Variants in SOD2 observed in about 807,000 individuals in gnomAD.
The protein encoded by SOD2 is superoxide dismutase [Mn], mitochondrial.
In SOD2, 11 loss-of-function variants were observed where a neutral mutation model predicts 27.0. The observed-to-expected ratio is 0.41, with a 90% CI of 0.26 to 0.67. The LOEUF is 0.67. Ranked by LOEUF, SOD2 falls within the 30% of genes least tolerant of loss-of-function variation. The pLI is 0.34. For synonymous variants in SOD2, 105 were observed against 103.0 expected, an observed-to-expected ratio of 1.02 and a Z score of -0.12; for missense variants, 250 against 274.5, an observed-to-expected ratio of 0.91 and a Z score of 0.63.
At chr6:159,746,660 C>T (rs1779595034), upstream of SOD2, among the ~76,000 whole-genome samples, 1 of 152,154 alleles carries the variant, frequency 6.6e-6, no homozygotes, top group African/African-American at 2.4e-5. Context: ...ATACTGTATT[C>T]TTAACTATAT....
At chr6:159,707,069 A>G (rs150624969) in intron 1 of SOD2, among the ~76,000 whole-genome samples, 2,589 of 152,298 alleles carry the variant, frequency 0.017, 83 homozygotes, top group African/African-American at 0.058. Flanking sequence ...TTTGAAACCA[A>G]CGAGAACAAA....
At position 159,684,943 on chromosome 6, in the gene SOD2, G is replaced by A; in HGVS notation, c.434C>T (p.Ser145Leu). ...LTAASVGVQG[S>L]GWGWLGFNKE... ...ATTGAAACCAAGCCAACCCCAACCTGAGCCTTGGACACCAACAGATGCAGC... is the reference window on the plus strand; with the variant it reads ...ATTGAAACCAAGCCAACCCCAACCTAAGCCTTGGACACCAACAGATGCAGC... The change falls in exon 4 of 5, where the codon TCA (serine) becomes TTA (leucine). Residue 145 changes from serine to leucine, a missense_variant. Ser to Leu is a moderately radical substitution (Grantham distance 145). Coordinates refer to ENST00000538183, the MANE Select transcript of SOD2 (RefSeq NM_000636.4). 6.2e-7 allele frequency: 1 copy of A among 1,613,596 alleles called. No individual in the cohort carries two copies. Among genetic ancestry groups the A allele is most frequent in the Non-Finnish European group, 8.5e-7 (1 of 1,179,838 alleles).
chr6:159,719,975 C>T (rs1211843928), intron 1 of SOD2, among the ~76,000 whole-genome samples: 6 of 150,816 alleles, frequency 4.0e-5, no homozygotes, highest in East Asian at 2.0e-4. Context: ...CTGCCTGCCT[C>T]GGTCTCCCAA....
chr6:159,736,174 G>T, intron 1 of SOD2: 3 of 1,301,262 alleles, frequency 2.3e-6, no homozygotes, highest in South Asian at 2.7e-5. Flanking sequence ...CTAATAAATT[G>T]ATTTGAAAGA....
chr6:159,753,445 C>T, intron 1 of SOD2: 2 of 1,614,146 alleles, frequency 1.2e-6, no homozygotes, highest in East Asian at 2.2e-5. Context: ...TGATGGATGG[C>T]TCTTTCCTTT....
rs1055471201 is a variant in SOD2 at position 159,740,707 on chromosome 6, T to C, written c.-116+4423A>G. On this transcript the variant is annotated intron_variant, in intron 1 of 3. Transcript: ENST00000537657. ...AGGTTTTTTTTTTTTCTTTTTTCTT[T>C]CTTTTTTTTTTTTTTAAGACAGAGT... 6.1e-4 allele frequency among the ~76,000 whole-genome samples: 92 copies of C among 151,048 alleles called. 2 individuals carry two copies. Among genetic ancestry groups the C allele is most frequent in the Admixed American group, 9.2e-4 (14 of 15,194 alleles).
At chr6:159,743,887 T>C (rs1158320300) in intron 1 of SOD2, 7 of 1,307,466 alleles carry the variant, frequency 5.4e-6, no homozygotes, top group Non-Finnish European at 7.1e-6. Context: ...ATGCTAAATA[T>C]AAGAGCTTAT....
At chr6:159,706,091 C>T (rs1195509018) in intron 1 of SOD2, among the ~76,000 whole-genome samples, 9 of 152,186 alleles carry the variant, frequency 5.9e-5, no homozygotes. Flanking sequence ...ACCACCAGGC[C>T]TGCCCTACAA....
At chr6:159,726,899 C>T (rs1562445955) in intron 1 of SOD2, 2 of 1,289,124 alleles carry the variant, frequency 1.6e-6, no homozygotes, top group South Asian at 1.2e-5. Flanking sequence ...CCGCCCACGG[C>T]CTCTCTCTTG....
chr6:159,727,891 C>T (rs1305650276), upstream of SOD2, among the ~76,000 whole-genome samples: 1 of 152,224 alleles, frequency 6.6e-6, no homozygotes, highest in Non-Finnish European at 1.5e-5. Flanking sequence ...CGCTTCGAGG[C>T]CATTTTATCT....
intron 1 of SOD2, among the ~76,000 whole-genome samples, chr6:159,752,737 G>C (rs747307526): frequency 5.3e-5 from 8 of 152,100 alleles, no homozygotes; most frequent in Non-Finnish European, 1.0e-4. Context: ...GAAGATGGAT[G>C]TACCAGAAAA....
At chr6:159,694,312 G>A (rs868019157), upstream of SOD2, among the ~76,000 whole-genome samples, 1 of 152,214 alleles carries the variant, frequency 6.6e-6, no homozygotes, top group Non-Finnish European at 1.5e-5. Context: ...GCCATTGGCG[G>A]GAGTTGCCCC....
chr6:159,725,182 T>C (rs1778128030), intron 1 of SOD2, among the ~76,000 whole-genome samples: 2 of 152,096 alleles, frequency 1.3e-5, no homozygotes, highest in South Asian at 4.1e-4. Flanking sequence ...AGTACTGTGT[T>C]CAAAAGCTCA....
chr6:159,747,504 G>A (rs1390736426), upstream of SOD2, among the ~76,000 whole-genome samples: 1 of 152,066 alleles, frequency 6.6e-6, no homozygotes, highest in Non-Finnish European at 1.5e-5. Flanking sequence ...ACTTTATTTT[G>A]GCTTAAGGTC....
chr6:159,737,483 C>T (rs73022775), intron 1 of SOD2, among the ~76,000 whole-genome samples: 2,759 of 151,788 alleles, frequency 0.018, 36 homozygotes, highest in Non-Finnish European at 0.031. Flanking sequence ...CTAATAAAGC[C>T]TTTATTTTAT....
intron 1 of SOD2, chr6:159,725,710 C>T (rs1310747337): frequency 6.6e-6 from 1 of 151,602 alleles, no homozygotes; most frequent in Non-Finnish European, 1.5e-5. Flanking sequence ...CCAGGATATC[C>T]TTCCAATTCC....
chr6:159,753,318 A>G, intron 1 of SOD2: 1 of 1,214,816 alleles, frequency 8.2e-7, no homozygotes, highest in South Asian at 1.4e-5. Context: ...GATGTGTCCC[A>G]GAAAAGAAGA....
chr6:159,682,473 C>T lies in SOD2; in HGVS notation c.*20G>A. 6.2e-7 allele frequency: 1 copy of T among 1,609,270 alleles called. No homozygotes were observed. Among genetic ancestry groups the T allele is most frequent in the Non-Finnish European group, 8.5e-7 (1 of 1,177,420 alleles). On this transcript the variant is annotated 3_prime_UTR_variant, in exon 5 of 5. Coordinates refer to ENST00000538183, the MANE Select transcript of SOD2 (RefSeq NM_000636.4). ...AAACAGTCATAAAGAGCTTAACATA[C>T]TCAGCATAACGATCGTGGTTTACTT...
Position 159,682,569 on chromosome 6 carries a change from G to C in SOD2, c.593C>G (p.Pro198Arg). Residue 198 changes from proline (P) to arginine (R), a missense_variant, in exon 5 of 5, where the codon CCT becomes CGT. Coordinates refer to ENST00000538183, the MANE Select transcript of SOD2 (RefSeq NM_000636.4). ...AYYLQYKNVR[P>R]DYLKAIWNVI... Reference sequence around the variant, plus strand: ...ATTCCAAATAGCTTTTAGATAATCAGGCCTGACATTTTTATACTGAAGGTA... The same window carrying C: ...ATTCCAAATAGCTTTTAGATAATCACGCCTGACATTTTTATACTGAAGGTA... 1 of 1,614,020 alleles carries C rather than the reference G, an allele frequency of 6.2e-7. No homozygotes were observed. The highest frequency in any genetic ancestry group is 8.5e-7 in the Non-Finnish European group (1 of 1,179,966).
Sources: gnomAD v4.1 joint callset for allele counts (sites outside exome capture counted in the v4.1 genomes callset) on GRCh38, gnomAD v4.1.1 for gene constraint, MANE v1.5 for transcripts, NCBI Gene and HGNC (gene_info 2026-07-23, HGNC 2026-07-21) for gene names.